The following TNS3 variants were observed in gnomAD, a reference collection of about 807,000 sequenced individuals.
TNS3 encodes the protein tensin-3.
In TNS3, 45 loss-of-function variants were observed where a neutral mutation model predicts 140.9. The observed-to-expected ratio is 0.32, with a 90% CI of 0.25 to 0.41. TNS3 has a LOEUF of 0.41. TNS3 is among the 10% of genes least tolerant of loss of function. The pLI, the probability that TNS3 is intolerant of heterozygous loss-of-function variation, is 1.00. For missense variants in TNS3, 1,716 were observed against 1,906.7 expected (o/e 0.90, Z 1.86); for synonymous variants, 815 against 788.4 (o/e 1.03, Z -0.56).
At chr7:47,354,765 G>C (rs915960488) in intron 17 of TNS3, among the ~76,000 whole-genome samples, 1 of 152,176 alleles carries the variant, frequency 6.6e-6, no homozygotes, top group Non-Finnish European at 1.5e-5. Flanking sequence ...TCTCTGTGGA[G>C]GGAGGGACAG....
At chr7:47,344,417 C>T (rs1789198020) in intron 20 of TNS3, among the ~76,000 whole-genome samples, 1 of 152,318 alleles carries the variant, frequency 6.6e-6, no homozygotes, top group African/African-American at 2.4e-5. Flanking sequence ...ACAATCCCCA[C>T]AGAGAACGTG....
chr7:47,378,151 C>T (rs1791516182), intron 16 of TNS3, among the ~76,000 whole-genome samples: 1 of 152,024 alleles, frequency 6.6e-6, no homozygotes, highest in African/African-American at 2.4e-5. Context: ...TGGCACACAG[C>T]AGGCATTGGG....
At chr7:47,405,557 G>A (rs1050262802) in intron 13 of TNS3, 2 of 702,896 alleles carry the variant, frequency 2.8e-6, no homozygotes, top group African/African-American at 3.5e-5. Context: ...TGTAATTCAT[G>A]ACCTAAAGCA....
intron 25 of TNS3, among the ~76,000 whole-genome samples, chr7:47,293,337 G>A (rs963745329): frequency 3.3e-5 from 5 of 152,300 alleles, no homozygotes; most frequent in East Asian, 1.9e-4. Flanking sequence ...CAACAAGCTC[G>A]TGAGGTAGGG....
chr7:47,346,425 A>T, intron 17 of TNS3, 69 bp from the exon 18 acceptor site: 1 of 1,572,570 alleles, frequency 6.4e-7, no homozygotes, highest in Non-Finnish European at 8.7e-7. Context: ...CCTTCCTTAA[A>T]TCTTGCCTGC....
intron 3 of TNS3, among the ~76,000 whole-genome samples, chr7:47,500,421 A>T (rs1404013645): frequency 1.3e-5 from 2 of 152,236 alleles, no homozygotes; most frequent in Non-Finnish European, 2.9e-5. Context: ...CGCAGGCTTT[A>T]GCAAGAGATG....
At chr7:47,298,674 C>A (rs191680987) in intron 23 of TNS3, among the ~76,000 whole-genome samples, 1 of 152,228 alleles carries the variant, frequency 6.6e-6, no homozygotes, top group Admixed American at 6.5e-5. Flanking sequence ...TGCTGGGATG[C>A]CCCCGGCATG....
chr7:47,424,148 C>T lies in TNS3; in HGVS notation c.426G>A (p.Lys142=), dbSNP rs762402692. 1 of 1,614,176 alleles carries T rather than the reference C, an allele frequency of 6.2e-7. No homozygotes were observed. Among genetic ancestry groups the T allele is most frequent in the Non-Finnish European group, 8.5e-7 (1 of 1,180,006 alleles). ...AAGCTGAAACTTTGTCATCATAAAA[C>T]TTCTTCATTGCAAACCTGTCAAGGG... ...DQALDRFAMK[K]FYDDKVSALM... The change falls in exon 10 of 31, where the codon AAG becomes AAA. Residue 142 remains lysine, a synonymous_variant. Coordinates refer to ENST00000311160, the MANE Select transcript of TNS3 (RefSeq NM_022748.12).
At chr7:47,576,341 A>G (rs1800675211) in intron 1 of TNS3, among the ~76,000 whole-genome samples, 1 of 152,088 alleles carries the variant, frequency 6.6e-6, no homozygotes, top group Admixed American at 6.5e-5. Flanking sequence ...CCAGTGGAGG[A>G]GCAAACCTGT....
intron 23 of TNS3, among the ~76,000 whole-genome samples, chr7:47,299,115 G>A (rs200960615): frequency 1.3e-5 from 2 of 152,214 alleles, no homozygotes; most frequent in East Asian, 1.9e-4. Context: ...GGGGCTGAAC[G>A]TGAATGACAT....
chr7:47,413,747 G>A (rs973342509), intron 12 of TNS3, among the ~76,000 whole-genome samples, 190 bp downstream of exon 12: 2 of 152,006 alleles, frequency 1.3e-5, no homozygotes, highest in Non-Finnish European at 2.9e-5. Flanking sequence ...GCAGGAGGGA[G>A]GGCCAAGGCG....
chr7:47,472,928 A>T (rs1430894230), intron 4 of TNS3, among the ~76,000 whole-genome samples: 1 of 152,168 alleles, frequency 6.6e-6, no homozygotes, highest in Non-Finnish European at 1.5e-5. Flanking sequence ...CACCCTCCAG[A>T]GGGGCGCTGG....
At chr7:47,423,548 C>T (rs1256125848) in intron 10 of TNS3, among the ~76,000 whole-genome samples, 1 of 152,242 alleles carries the variant, frequency 6.6e-6, no homozygotes, top group Non-Finnish European at 1.5e-5. Context: ...AAAAATACTC[C>T]GTGGCCTCAG....
At chr7:47,369,712 A>G in intron 16 of TNS3, 91 bp from the exon 17 acceptor site, 2 of 1,360,774 alleles carry the variant, frequency 1.5e-6, no homozygotes, top group African/African-American at 1.5e-5. Context: ...TGTCTAAACA[A>G]ATAAATGGAT....
intron 20 of TNS3, among the ~76,000 whole-genome samples, chr7:47,344,266 G>A (rs904087557): frequency 3.9e-5 from 6 of 152,098 alleles, no homozygotes; most frequent in Admixed American, 2.0e-4. Context: ...AGACGGACGC[G>A]ATCAGGCCAT....
chr7:47,488,750 C>T (rs1010082254), intron 3 of TNS3, among the ~76,000 whole-genome samples: 2 of 151,998 alleles, frequency 1.3e-5, no homozygotes, highest in Admixed American at 6.5e-5. Flanking sequence ...GACGTCAGGT[C>T]GACACAGAAC....
chr7:47,561,023 GAAGT>G (rs150491353), intron 1 of TNS3, among the ~76,000 whole-genome samples: 1 of 152,338 alleles, frequency 6.6e-6, no homozygotes, highest in East Asian at 1.9e-4. Context: ...TGTAACACCA[GAAGT>G]AAACTGAGGC....
intron 2 of TNS3, among the ~76,000 whole-genome samples, chr7:47,521,750 T>G (rs334517): frequency 0.33 from 50,843 of 151,876 alleles, 9,992 homozygotes; most frequent in Non-Finnish European, 0.44. Context: ...TCAAAGCACC[T>G]GGGGGAGTCA....
chr7:47,502,275 G>A (rs570917027), intron 3 of TNS3, among the ~76,000 whole-genome samples: 7 of 152,154 alleles, frequency 4.6e-5, no homozygotes, highest in African/African-American at 1.4e-4. Context: ...CCCACTGCAC[G>A]GCAGCTGCGG....
Sources: gnomAD v4.1 joint callset for allele counts (sites outside exome capture counted in the v4.1 genomes callset) on GRCh38, gnomAD v4.1.1 for gene constraint, MANE v1.5 for transcripts, NCBI Gene and HGNC (gene_info 2026-07-23, HGNC 2026-07-21) for gene names.